The following B4GALNT2 variants were observed in gnomAD, a reference collection of about 807,000 sequenced individuals.
B4GALNT2 encodes N-acetylneuraminylgalactosylglucosyl-glucoside beta-1,4-N- acetylgalactosaminyltransferase 2.
In B4GALNT2, 42 loss-of-function variants were observed where a neutral mutation model predicts 51.1. That is an observed-to-expected ratio of 0.82 (90% CI 0.64 to 1.06). The LOEUF (loss-of-function observed/expected upper bound fraction) is 1.06, where lower values mean the gene tolerates loss of function less well. Ranked by LOEUF, B4GALNT2 falls within the 50% of genes least tolerant of loss-of-function variation. The pLI is 0.00. For missense variants in B4GALNT2, 602 were observed against 633.6 expected, an observed-to-expected ratio of 0.95 and a Z score of 0.54; for synonymous variants, 253 against 251.7, an observed-to-expected ratio of 1.01 and a Z score of -0.05.
At chr17:49,144,378 G>A (rs894891945) in intron 3 of B4GALNT2, among the ~76,000 whole-genome samples, 7 of 152,182 alleles carry the variant, frequency 4.6e-5, no homozygotes, top group East Asian at 1.9e-4. Context: ...TGGAGGCACC[G>A]TCTCCATCAG....
chr17:49,162,886 C>A (rs147689367), intron 7 of B4GALNT2, among the ~76,000 whole-genome samples: 1 of 108,492 alleles, frequency 9.2e-6, no homozygotes, highest in Non-Finnish European at 1.7e-5. Flanking sequence ...GCACTCCAGT[C>A]TGGGTGACAG....
rs2042937405 is a variant in B4GALNT2 at position 49,169,047 on chromosome 17, G to A, written c.1315+147G>A. ...CTTTCCCCTTTCCCCTTTCTCCCCA[G>A]ACTAGGGAGCTCTTGATCTCTCTTA... On this transcript the variant is annotated intron_variant, in intron 10 of 10. Coordinates refer to ENST00000393354, the MANE Select transcript of B4GALNT2 (RefSeq NM_001159387.2). 7.3e-6 allele frequency: 6 copies of A among 818,888 alleles called. No homozygotes were observed. The South Asian group carries it at 1.1e-4, about 15-fold the overall frequency. The allele number at this position is 818,888 out of a possible 1,614,324, so 50.7% of individuals were successfully genotyped here. A position where few individuals can be genotyped will look rare whatever the true frequency, so the allele number is the denominator to read the frequency against.
chr17:49,146,192 A>T (rs2042693017), intron 3 of B4GALNT2, among the ~76,000 whole-genome samples: 3 of 152,236 alleles, frequency 2.0e-5, no homozygotes, highest in Admixed American at 1.3e-4. Flanking sequence ...CCTAGTTGGC[A>T]TTATAATTGT....
the B4GALNT2 span, among the ~76,000 whole-genome samples, chr17:49,124,999 A>G: frequency 5.3e-5 from 8 of 152,152 alleles, no homozygotes; most frequent in African/African-American, 1.9e-4. Flanking sequence ...CAATTCTTTA[A>G]CCTTTTAATC....
chr17:49,166,021 A>G, intron 8 of B4GALNT2, 93 bp from the exon 9 acceptor site: 1 of 1,411,774 alleles, frequency 7.1e-7, no homozygotes, highest in South Asian at 1.3e-5. Flanking sequence ...TCTGGAGTGC[A>G]TGCAGCCTGG....
chr17:49,130,836 T>A (rs2042533900), upstream of B4GALNT2, among the ~76,000 whole-genome samples: 1 of 152,206 alleles, frequency 6.6e-6, no homozygotes, highest in South Asian at 2.1e-4. Context: ...TGCCTTGTGG[T>A]GTCCAGGACC....
intron 1 of B4GALNT2, among the ~76,000 whole-genome samples, chr17:49,140,536 A>G (rs2042633708): frequency 6.6e-6 from 1 of 151,996 alleles, no homozygotes; most frequent in South Asian, 2.1e-4. Context: ...CTATCTTTGT[A>G]TTTCTAATCC....
intron 4 of B4GALNT2, among the ~76,000 whole-genome samples, chr17:49,155,023 T>C (rs1383442812): frequency 6.6e-6 from 1 of 152,026 alleles, no homozygotes; most frequent in Non-Finnish European, 1.5e-5. Context: ...AAAATATATA[T>C]AATGGGCTGG....
intron 1 of B4GALNT2, among the ~76,000 whole-genome samples, chr17:49,135,864 C>A (rs2144269326): frequency 6.6e-6 from 1 of 151,514 alleles, no homozygotes; most frequent in African/African-American, 2.4e-5. Context: ...AAGATCTAGA[C>A]CATCCTGGCT....
chr17:49,168,998 CGCTT>C (rs2042937076), intron 10 of B4GALNT2, 98 bp downstream of exon 10: 6 of 1,268,342 alleles, frequency 4.7e-6, no homozygotes, highest in Non-Finnish European at 6.6e-6. Context: ...TGATCATAGT[CGCTT>C]GCCCAGTAGC....
intron 3 of B4GALNT2, among the ~76,000 whole-genome samples, chr17:49,150,547 C>T (rs969189874): frequency 7.9e-5 from 12 of 151,942 alleles, no homozygotes; most frequent in Admixed American, 2.6e-4. Flanking sequence ...AAGAGGTAGA[C>T]GTGGGAGACT....
rs75296232 is a variant in B4GALNT2 at position 49,144,407 on chromosome 17, C to T, written c.353+2235C>T. On this transcript the variant is annotated intron_variant, in intron 3 of 10. Coordinates refer to ENST00000393354, the MANE Select transcript of B4GALNT2 (RefSeq NM_001159387.2). ...CCATCAGGAGGTGTTGAAAGCTGGA[C>T]AGCCAGTGGAATACACAGGTGATGC... 4.5e-3 allele frequency among the ~76,000 whole-genome samples: 682 copies of T among 152,310 alleles called. 10 individuals carry two copies. Among genetic ancestry groups the T allele is most frequent in the African/African-American group, 0.016 (663 of 41,568 alleles).
chr17:49,123,609 T>C, the B4GALNT2 span, among the ~76,000 whole-genome samples: 1 of 152,226 alleles, frequency 6.6e-6, no homozygotes, highest in Non-Finnish European at 1.5e-5. Context: ...CATAGGCCTT[T>C]TAAATTGGCA....
intron 8 of B4GALNT2, among the ~76,000 whole-genome samples, chr17:49,164,855 G>A (rs2042897130): frequency 6.6e-6 from 1 of 151,832 alleles, no homozygotes; most frequent in African/African-American, 2.4e-5. Flanking sequence ...TGTCACCTAG[G>A]CTGGAGTGCA....
chr17:49,132,007 T>TC (rs2042542697), upstream of B4GALNT2, among the ~76,000 whole-genome samples: 1 of 151,952 alleles, frequency 6.6e-6, no homozygotes. Flanking sequence ...CCAGGTGCGG[T>TC]CGTGGGTGCC....
chr17:49,142,183 T>C lies in B4GALNT2; in HGVS notation c.353+11T>C, dbSNP rs762827940. Reference sequence around the variant, plus strand: ...ACACTTTCAGAGGAGGTAATGCGGGTCATGAAGGCCCTTGGGTTCTGAGAT... The same window carrying C: ...ACACTTTCAGAGGAGGTAATGCGGGCCATGAAGGCCCTTGGGTTCTGAGAT... On this transcript the variant is annotated intron_variant, in intron 3 of 10. Transcript: ENST00000393354. The C allele has an allele frequency of 6.8e-6, 11 of 1,613,776 alleles. No individual in the cohort carries two copies. In the East Asian group the frequency reaches 2.5e-4, roughly 36 times the overall value.
intron 3 of B4GALNT2, chr17:49,148,360 T>C: frequency 2.7e-6 from 1 of 364,350 alleles, no homozygotes; most frequent in Non-Finnish European, 5.4e-6. Flanking sequence ...GCTGACCACA[T>C]CCACAACCAA....
intron 3 of B4GALNT2, among the ~76,000 whole-genome samples, chr17:49,142,728 A>C (rs147209578): frequency 2.1e-5 from 3 of 146,188 alleles, no homozygotes; most frequent in African/African-American, 7.6e-5. Context: ...ACAAAAACAA[A>C]AAAAACAAAA....
At chr17:49,145,514 A>G (rs866487258) in intron 3 of B4GALNT2, among the ~76,000 whole-genome samples, 16 of 152,362 alleles carry the variant, frequency 1.1e-4, no homozygotes, top group Non-Finnish European at 1.9e-4. Flanking sequence ...AGCTGGTCAC[A>G]TGGTCGTAGC....
Sources: allele counts gnomAD v4.1 joint callset (sites outside exome capture counted in the v4.1 genomes callset), GRCh38; gene constraint gnomAD v4.1.1; transcripts MANE v1.5; gene names NCBI Gene and HGNC (gene_info 2026-07-23, HGNC 2026-07-21).